Variants in AGBL1 observed in about 807,000 individuals in gnomAD.
AGBL1 encodes the protein cytosolic carboxypeptidase 4.
Under a neutral mutation model 118.9 loss-of-function variants are expected in AGBL1, and 130 were observed. The observed-to-expected ratio is 1.09, with a 90% confidence interval of 0.95 to 1.26. The LOEUF is 1.26. Ranked by LOEUF, AGBL1 falls within the 50% of genes most tolerant of loss-of-function variation. The pLI is 0.00. For missense variants in AGBL1, 1,584 were observed against 1,298.1 expected (o/e 1.22, Z -3.38); for synonymous variants, 555 against 478.9 (o/e 1.16, Z -2.08).
intron 21 of AGBL1, among the ~76,000 whole-genome samples, chr15:86,585,426 T>A (rs1331947091): frequency 1.3e-5 from 2 of 152,168 alleles, no homozygotes; most frequent in Non-Finnish European, 2.9e-5. Context: ...AGGGTCTCAC[T>A]GTCTCTGCCC....
chr15:86,209,110 A>G (rs184153189), intron 5 of AGBL1, among the ~76,000 whole-genome samples: 1 of 152,118 alleles, frequency 6.6e-6, no homozygotes, highest in African/African-American at 2.4e-5. Context: ...TTCAGTTTCC[A>G]TGGAGTTGTG....
rs142874621 is a variant in AGBL1 at position 86,651,158 on chromosome 15, C to A, written c.2995-23115C>A. Reference sequence around the variant, plus strand: ...CTTGATAAAAATGCATCTCATCTGACCACAGCCTCAGAGTTCTTAATTTGG... The same window carrying A: ...CTTGATAAAAATGCATCTCATCTGAACACAGCCTCAGAGTTCTTAATTTGG... On this transcript the variant is annotated intron_variant, in intron 21 of 22. Coordinates refer to ENST00000614907, the MANE Select transcript of AGBL1 (RefSeq NM_001386094.1). Among the ~76,000 whole-genome samples, 292 of 152,246 alleles carry A rather than the reference C, an allele frequency of 1.9e-3. 1 individual carries two copies. The highest frequency in any genetic ancestry group is 6.8e-3 in the African/African-American group (283 of 41,568).
rs140115435 is a variant in AGBL1 at position 86,976,781 on chromosome 15, T to C, written c.3222-11206T>C. 7.4e-3 allele frequency among the ~76,000 whole-genome samples: 1,129 copies of C among 152,156 alleles called. 17 individuals are homozygous for C. The highest frequency in any genetic ancestry group is 0.026 in the African/African-American group (1,085 of 41,566). ...TTACAAAAAGAGTGGAATTTATACA[T>C]AAACACAGATAGATATGCTCATATA... is the stretch of plus-strand genomic sequence containing the variant. On this transcript the variant is annotated intron_variant, in intron 23 of 24. Coordinates refer to the AGBL1 transcript ENST00000441037.
At chr15:86,190,867 A>G (rs1171048385) in intron 5 of AGBL1, among the ~76,000 whole-genome samples, 3 of 152,238 alleles carry the variant, frequency 2.0e-5, no homozygotes, top group Admixed American at 1.3e-4. Context: ...GACGGCGTAC[A>G]AAAGACATGA....
chr15:86,481,474 TA>T (rs2082650995), intron 18 of AGBL1, among the ~76,000 whole-genome samples: 1 of 152,158 alleles, frequency 6.6e-6, no homozygotes, highest in Non-Finnish European at 1.5e-5. Context: ...TTATAGCTTC[TA>T]TCTCTGAATC....
chr15:86,204,019 A>C (rs561173007), intron 5 of AGBL1, among the ~76,000 whole-genome samples: 1 of 152,212 alleles, frequency 6.6e-6, no homozygotes, highest in Non-Finnish European at 1.5e-5. Flanking sequence ...TGACACTCCT[A>C]GATAAAGAGT....
rs1375302996 is a variant in AGBL1 at position 86,674,420 on chromosome 15, G to T, written c.3142G>T (p.Asp1048Tyr). Residue 1048 changes from aspartate to tyrosine, a missense_variant, in exon 22 of 23, where the codon GAC becomes TAC. Coordinates refer to ENST00000614907, the MANE Select transcript of AGBL1 (RefSeq NM_001386094.1). ...TLLSAEEDALDQHLQRCSSSS... is the reference protein window; with the variant it reads ...TLLSAEEDALYQHLQRCSSSS... ...GCTGAGTGCTGAGGAGGACGCTCTG[G>T]ACCAGCACCTCCAACGGTAAGATGC... The T allele has an allele frequency of 1.9e-6, 3 of 1,607,478 alleles. No homozygotes were observed. The highest frequency in any genetic ancestry group is 2.2e-5 in the South Asian group (2 of 90,892).
chr15:86,205,083 AG>A (rs1396142521), intron 5 of AGBL1, among the ~76,000 whole-genome samples: 2 of 152,220 alleles, frequency 1.3e-5, no homozygotes, highest in Non-Finnish European at 2.9e-5. Context: ...ACTGTCAAAC[AG>A]GGCAGAACCT....
intron 22 of AGBL1, among the ~76,000 whole-genome samples, chr15:86,677,114 C>G (rs1014895693): frequency 6.6e-6 from 1 of 152,168 alleles, no homozygotes; most frequent in South Asian, 2.1e-4. Flanking sequence ...GCCAGGAAGA[C>G]AAAGTGTGGC....
At chr15:86,354,735 T>C (rs62012287) in intron 17 of AGBL1, among the ~76,000 whole-genome samples, 28,107 of 152,092 alleles carry the variant, frequency 0.18, 2,740 homozygotes, top group South Asian at 0.21. Flanking sequence ...AATGGGTTAC[T>C]TTACATAGCA....
chr15:86,325,304 T>G (rs905378311), intron 17 of AGBL1, among the ~76,000 whole-genome samples: 1 of 152,152 alleles, frequency 6.6e-6, no homozygotes, highest in East Asian at 1.9e-4. Context: ...CCACGGGGGA[T>G]GAGTAGATGA....
chr15:86,838,087 T>G (rs1412378230), intron 22 of AGBL1, among the ~76,000 whole-genome samples: 2 of 152,206 alleles, frequency 1.3e-5, no homozygotes. Context: ...TGAATTGGCT[T>G]TACCTCAAGG....
At chr15:86,533,298 G>T (rs917736965) in intron 19 of AGBL1, among the ~76,000 whole-genome samples, 21 of 130,878 alleles carry the variant, frequency 1.6e-4, no homozygotes, top group African/African-American at 6.0e-4. Context: ...AAAAGTGGGC[G>T]AAGGACATGA....
chr15:86,733,029 A>G (rs561123574), intron 22 of AGBL1, among the ~76,000 whole-genome samples: 1 of 148,606 alleles, frequency 6.7e-6, no homozygotes, highest in African/African-American at 2.4e-5. Context: ...TATTAATACT[A>G]TATACATGTA....
intron 19 of AGBL1, among the ~76,000 whole-genome samples, chr15:86,539,110 C>T (rs2083461722): frequency 1.3e-5 from 2 of 152,058 alleles, no homozygotes. Context: ...GATGAAGAAA[C>T]TGAGGCACAG....
At chr15:86,952,753 G>T (rs922530395) in intron 23 of AGBL1, among the ~76,000 whole-genome samples, 1 of 152,016 alleles carries the variant, frequency 6.6e-6, no homozygotes, top group African/African-American at 2.4e-5. Context: ...AAAATTCTTT[G>T]CCAAGACCCA....
At chr15:86,679,566 C>T (rs571215451) in intron 22 of AGBL1, among the ~76,000 whole-genome samples, 6 of 151,976 alleles carry the variant, frequency 3.9e-5, no homozygotes, top group Non-Finnish European at 8.8e-5. Flanking sequence ...ATCTTATGAT[C>T]TGGGCTAGAG....
At chr15:86,506,705 C>A (rs1369002673) in intron 18 of AGBL1, among the ~76,000 whole-genome samples, 6 of 152,028 alleles carry the variant, frequency 3.9e-5, no homozygotes, top group South Asian at 2.1e-4. Context: ...GAAAACAACC[C>A]CTTCCTGATA....
chr15:86,919,401 GT>G (rs1178852356), downstream of AGBL1, among the ~76,000 whole-genome samples: 1 of 151,970 alleles, frequency 6.6e-6, no homozygotes, highest in Non-Finnish European at 1.5e-5. Flanking sequence ...TTTTGTTGTT[GT>G]TTTTTGTTTT....
Sources: allele counts gnomAD v4.1 joint callset (sites outside exome capture counted in the v4.1 genomes callset), GRCh38; gene constraint gnomAD v4.1.1; transcripts MANE v1.5; gene names NCBI Gene and HGNC (gene_info 2026-07-23, HGNC 2026-07-21).